Variants in ANKRD17 observed in about 807,000 individuals in gnomAD.
ANKRD17 encodes the protein ankyrin repeat domain 17.
Under a neutral mutation model 229.7 loss-of-function variants are expected in ANKRD17, and 19 were observed. The ratio of observed to expected loss-of-function variants is 0.08; its 90% CI spans 0.06 to 0.12. The LOEUF is 0.12. ANKRD17 is among the 10% of genes least tolerant of loss of function. The pLI is 1.00. For missense variants in ANKRD17, 2,176 were observed against 3,176.8 expected, an observed-to-expected ratio of 0.68 and a Z score of 7.57; for synonymous variants, 1,112 against 1,146.1, an observed-to-expected ratio of 0.97 and a Z score of 0.60.
intron 26 of ANKRD17, among the ~76,000 whole-genome samples, chr4:73,097,702 GAGCTA>G (rs1270575948): frequency 6.6e-6 from 1 of 152,102 alleles, no homozygotes; most frequent in African/African-American, 2.4e-5. Flanking sequence ...GCCTCCCAAA[GAGCTA>G]TTATTATAAG....
At chr4:73,182,002 C>T (rs896508994) in intron 1 of ANKRD17, among the ~76,000 whole-genome samples, 1 of 114,452 alleles carries the variant, frequency 8.7e-6, no homozygotes, top group African/African-American at 3.4e-5. Flanking sequence ...GAGCCGAGAT[C>T]GAGCCACTGC....
At chr4:73,079,720 A>G (rs1039539827) in intron 30 of ANKRD17, among the ~76,000 whole-genome samples, 9 of 152,246 alleles carry the variant, frequency 5.9e-5, no homozygotes, top group African/African-American at 2.2e-4. Context: ...TACTTATGCA[A>G]ACAAGGTGGA....
At chr4:73,104,480 C>T (rs569739158) in intron 24 of ANKRD17, among the ~76,000 whole-genome samples, 1 of 152,138 alleles carries the variant, frequency 6.6e-6, no homozygotes, top group African/African-American at 2.4e-5. Context: ...AAAGGTGAAA[C>T]GTGCACCAGA....
chr4:73,090,554 C>A, intron 29 of ANKRD17, 113 bp downstream of exon 29: 2 of 1,360,702 alleles, frequency 1.5e-6, no homozygotes, highest in African/African-American at 1.5e-5. Flanking sequence ...TAACTAAATC[C>A]AACAATCTTT....
At chr4:73,190,166 C>T (rs1437921538) in intron 1 of ANKRD17, among the ~76,000 whole-genome samples, 1 of 151,934 alleles carries the variant, frequency 6.6e-6, no homozygotes, top group Non-Finnish European at 1.5e-5. Context: ...GTCAGGAGTT[C>T]GAGACCAGCC....
chr4:73,226,179 G>C (rs1742473252), intron 1 of ANKRD17, among the ~76,000 whole-genome samples: 1 of 151,474 alleles, frequency 6.6e-6, no homozygotes, highest in South Asian at 2.1e-4. Flanking sequence ...GTTTCACCGT[G>C]TTAGCCAGGA....
At chr4:73,244,863 C>T (rs1429426415) in intron 1 of ANKRD17, among the ~76,000 whole-genome samples, 2 of 152,078 alleles carry the variant, frequency 1.3e-5, no homozygotes, top group Non-Finnish European at 2.9e-5. Context: ...AAAACTCTTG[C>T]CTGCAATAAT....
chr4:73,203,758 C>CAAAAAAAAAAAAAAAAA (rs67020753), intron 1 of ANKRD17, among the ~76,000 whole-genome samples: 3 of 82,144 alleles, frequency 3.7e-5, no homozygotes, highest in Non-Finnish European at 2.2e-5. Context: ...GACTCCGTCT[C>CAAAAAAAAAAAAAAAAA]AAAAAAAAAA....
intron 1 of ANKRD17, among the ~76,000 whole-genome samples, chr4:73,215,414 T>A (rs1483461151): frequency 6.6e-6 from 1 of 152,026 alleles, no homozygotes; most frequent in African/African-American, 2.4e-5. Flanking sequence ...CGCATGCCAC[T>A]ACACCCAGCT....
At chr4:73,213,551 G>A (rs1740607023) in intron 1 of ANKRD17, among the ~76,000 whole-genome samples, 1 of 152,144 alleles carries the variant, frequency 6.6e-6, no homozygotes, top group Non-Finnish European at 1.5e-5. Flanking sequence ...AAAATTTTAT[G>A]GTGGTGGGAA....
intron 2 of ANKRD17, among the ~76,000 whole-genome samples, chr4:73,162,204 A>G (rs1041126362): frequency 4.6e-5 from 7 of 152,022 alleles, no homozygotes; most frequent in South Asian, 2.1e-4. Context: ...GTGCACTACC[A>G]TGCTTGGCTA....
chr4:73,226,176 C>T (rs1412996375), intron 1 of ANKRD17, among the ~76,000 whole-genome samples: 4 of 151,234 alleles, frequency 2.6e-5, no homozygotes, highest in Admixed American at 6.6e-5. Flanking sequence ...GGGGTTTCAC[C>T]GTGTTAGCCA....
chr4:73,102,635 C>T lies in ANKRD17; in HGVS notation c.4402-88G>A, dbSNP rs919547125. On this transcript the variant is annotated intron_variant, in intron 24 of 33. Transcript: ENST00000358602. The stretch of plus-strand genomic sequence containing the variant: ...CATAATCATTTAATCATAAGGAAAC[C>T]ATGATATCATAAAATTCAAAGTCAT... The T allele has an allele frequency of 9.8e-6, 14 of 1,435,820 alleles. No homozygotes were observed. The African/African-American group carries it at 2.0e-4, about 21-fold the overall frequency. 88.9% of individuals were successfully genotyped at this position (1,435,820 alleles called of 1,614,324 possible).
At chr4:73,150,597 A>C (rs1270998269) in intron 7 of ANKRD17, among the ~76,000 whole-genome samples, 1 of 152,236 alleles carries the variant, frequency 6.6e-6, no homozygotes, top group Non-Finnish European at 1.5e-5. Context: ...GGAAAACAAC[A>C]GATAACTCAA....
chr4:73,197,029 T>C (rs1234428291), intron 1 of ANKRD17, among the ~76,000 whole-genome samples: 1 of 152,160 alleles, frequency 6.6e-6, no homozygotes, highest in Non-Finnish European at 1.5e-5. Context: ...TGGTTAATGA[T>C]AGTCTGCTAG....
At chr4:73,168,209 T>C (rs1465240418) in intron 2 of ANKRD17, among the ~76,000 whole-genome samples, 2 of 152,136 alleles carry the variant, frequency 1.3e-5, no homozygotes, top group Non-Finnish European at 2.9e-5. Context: ...GAAAGCATTA[T>C]TGAACAGTAT....
chr4:73,238,888 C>T (rs1743756912), intron 1 of ANKRD17, among the ~76,000 whole-genome samples: 1 of 152,116 alleles, frequency 6.6e-6, no homozygotes, highest in Non-Finnish European at 1.5e-5. Flanking sequence ...GAACAAGTTA[C>T]TTATTCTTTA....
intron 1 of ANKRD17, among the ~76,000 whole-genome samples, chr4:73,236,607 TCTAA>T (rs953385997): frequency 5.3e-5 from 8 of 152,142 alleles, no homozygotes; most frequent in African/African-American, 1.9e-4. Flanking sequence ...TTCATTATAA[TCTAA>T]CTAAAGTCCA....
At chr4:73,178,888 T>C (rs1480862862) in intron 1 of ANKRD17, among the ~76,000 whole-genome samples, 1 of 152,138 alleles carries the variant, frequency 6.6e-6, no homozygotes, top group African/African-American at 2.4e-5. Flanking sequence ...GTAATTATTA[T>C]ATAAAATATC....
Sources: allele counts gnomAD v4.1 joint callset (sites outside exome capture counted in the v4.1 genomes callset), GRCh38; gene constraint gnomAD v4.1.1; transcripts MANE v1.5; gene names NCBI Gene and HGNC (gene_info 2026-07-23, HGNC 2026-07-21).